NFAT5: variants seen among roughly 807,000 people sequenced by gnomAD.
The protein encoded by NFAT5 is nuclear factor of activated T cells 5.
In NFAT5, 31 loss-of-function variants were observed where a neutral mutation model predicts 166.5. The observed-to-expected ratio is 0.19, with a 90% confidence interval of 0.14 to 0.25. The LOEUF is 0.25. Ranked by LOEUF, NFAT5 falls within the 10% of genes least tolerant of loss-of-function variation. NFAT5 has a pLI of 1.00. For missense variants in NFAT5, 1,449 were observed against 1,821.8 expected, an observed-to-expected ratio of 0.80 and a Z score of 3.72; for synonymous variants, 612 against 639.7, an observed-to-expected ratio of 0.96 and a Z score of 0.65.
Position 69,690,934 on chromosome 16 carries a change from A to G in NFAT5, c.1775-6A>G, listed in dbSNP as rs765362656. 4 of 1,525,026 alleles carry G rather than the reference A, an allele frequency of 2.6e-6. No individual in the cohort carries two copies. The highest frequency in any genetic ancestry group is 2.8e-5 in the African/African-American group (2 of 71,518). The allele number at this position is 1,525,026 out of a possible 1,614,324, so 94.5% of individuals were successfully genotyped here. A position where few individuals can be genotyped will look rare whatever the true frequency, so the allele number is the denominator to read the frequency against. ...AACTTTTCTTTTTGTGTGTGTGTAT[A>G]TGCAGCAATGAAAACTACTGGATGT... On this transcript the variant is annotated splice_polypyrimidine_tract_variant and splice_region_variant and intron_variant, in intron 11 of 14. Transcript: ENST00000349945.
rs1172925854 is a variant in NFAT5, at chr16:69,698,399, A to T, written c.*2048A>T. 2.0e-5 allele frequency: 3 copies of T among 152,130 alleles called. No homozygotes were observed. Among genetic ancestry groups the T allele is most frequent in the Non-Finnish European group, 4.4e-5 (3 of 67,978 alleles). The allele number at this position is 152,130 out of a possible 1,614,324, so 9.4% of individuals were successfully genotyped here. ...TAAATATAGAAATTTATATATATAC[A>T]TATATATAAACTATTCTTTTTTGCC... On this transcript the variant is annotated 3_prime_UTR_variant, in exon 15 of 15. Coordinates refer to ENST00000349945, the MANE Select transcript of NFAT5 (RefSeq NM_138713.4).
At chr16:69,631,961 A>T (rs1442296152) in intron 3 of NFAT5, among the ~76,000 whole-genome samples, 1 of 152,226 alleles carries the variant, frequency 6.6e-6, no homozygotes, top group East Asian at 1.9e-4. Flanking sequence ...GAGCTTTGAT[A>T]TATAGTGCTT....
chr16:69,628,473 T>A (rs2151584156), intron 3 of NFAT5, among the ~76,000 whole-genome samples: 2 of 152,284 alleles, frequency 1.3e-5, no homozygotes, highest in Admixed American at 1.3e-4. Flanking sequence ...TTAAAATCTT[T>A]TTCAAAATAT....
intron 2 of NFAT5, among the ~76,000 whole-genome samples, chr16:69,583,819 G>C (rs2031858036): frequency 6.6e-6 from 1 of 152,050 alleles, no homozygotes; most frequent in African/African-American, 2.4e-5. Flanking sequence ...AGGAAGGAAG[G>C]GTTTTGGAAG....
intron 2 of NFAT5, among the ~76,000 whole-genome samples, chr16:69,613,987 T>C (rs72801338): frequency 0.05 from 7,599 of 152,330 alleles, 250 homozygotes; most frequent in Middle Eastern, 0.11. Context: ...CAAGTAATTA[T>C]ATGACCAAGA....
In NFAT5 at chr16:69,693,861, C is replaced by A. The variant is rs2037659804; in HGVS notation, c.4036C>A (p.Gln1346Lys). The A allele has an allele frequency of 6.2e-7, 1 of 1,614,238 alleles. No individual in the cohort carries two copies. Among genetic ancestry groups the A allele is most frequent in the Non-Finnish European group, 8.5e-7 (1 of 1,180,036 alleles). The part of the protein sequence containing the change: ...MNQEQQPMQF[Q>K]SQSTVSSLQN... ...TCAAGAGCAACAGCCCATGCAATTT[C>A]AGAGTCAGTCCACAGTTTCCTCACT... Residue 1346 changes from glutamine to lysine, a missense_variant, in exon 13 of 15, where the codon CAG becomes AAG. By Grantham distance (53) the Gln-to-Lys change is moderately conservative. Transcript: ENST00000349945.
intron 9 of NFAT5, among the ~76,000 whole-genome samples, chr16:69,671,202 A>G (rs1300357314): frequency 3.3e-5 from 5 of 152,184 alleles, no homozygotes; most frequent in Non-Finnish European, 5.9e-5. Flanking sequence ...CACTTCATAC[A>G]CCAGACACAA....
intron 11 of NFAT5, chr16:69,685,289 G>A (rs1296305132): frequency 1.3e-5 from 2 of 150,294 alleles, no homozygotes; most frequent in Non-Finnish European, 2.9e-5. Flanking sequence ...GTTCATGCCT[G>A]TAATGCCAGC....
At chr16:69,579,247 T>A (rs2031508091) in intron 2 of NFAT5, among the ~76,000 whole-genome samples, 1 of 152,186 alleles carries the variant, frequency 6.6e-6, no homozygotes, top group African/African-American at 2.4e-5. Flanking sequence ...GTTATTAAAT[T>A]ATATTCTCTG....
chr16:69,567,564 A>G (rs1032828151), intron 1 of NFAT5, among the ~76,000 whole-genome samples: 1 of 152,182 alleles, frequency 6.6e-6, no homozygotes, highest in African/African-American at 2.4e-5. Flanking sequence ...TCACCTTCCT[A>G]CTAGTGTATC....
chr16:69,650,833 C>T (rs561299261), intron 4 of NFAT5, among the ~76,000 whole-genome samples: 66 of 152,226 alleles, frequency 4.3e-4, no homozygotes, highest in African/African-American at 1.5e-3. Context: ...GATATTTCTA[C>T]ATAGTTTCAA....
intron 4 of NFAT5, chr16:69,648,317 A>G: frequency 1.0e-6 from 1 of 984,424 alleles, no homozygotes; most frequent in Non-Finnish European, 1.2e-6. Context: ...AGAGGATTTT[A>G]GACTTAATTT....
intron 9 of NFAT5, among the ~76,000 whole-genome samples, chr16:69,673,014 TTTTC>T (rs1168098606): frequency 5.4e-5 from 7 of 129,580 alleles, no homozygotes; most frequent in Non-Finnish European, 1.1e-4. Context: ...CTACCTCCAT[TTTTC>T]TTTCTCTCTC....
intron 6 of NFAT5, among the ~76,000 whole-genome samples, chr16:69,656,595 G>A (rs1449499460): frequency 1.3e-5 from 2 of 151,978 alleles, no homozygotes; most frequent in Non-Finnish European, 2.9e-5. Context: ...TGAGATTACA[G>A]GCATCTGCCA....
intron 5 of NFAT5, among the ~76,000 whole-genome samples, chr16:69,653,928 T>G (rs1053092290): frequency 2.6e-5 from 4 of 152,022 alleles, no homozygotes; most frequent in African/African-American, 9.7e-5. Flanking sequence ...ACTATTGGAC[T>G]GAGAAAAGAC....
chr16:69,598,683 G>C (rs560389238), intron 2 of NFAT5, among the ~76,000 whole-genome samples: 1 of 152,204 alleles, frequency 6.6e-6, no homozygotes, highest in South Asian at 2.1e-4. Context: ...TTCCTCACCA[G>C]TTCATATTCT....
At chr16:69,672,559 A>G (rs2036666247) in intron 9 of NFAT5, among the ~76,000 whole-genome samples, 1 of 152,182 alleles carries the variant, frequency 6.6e-6, no homozygotes, top group Non-Finnish European at 1.5e-5. Context: ...GTTCCTTGTA[A>G]TACCAAACAC....
At chr16:69,630,448 G>C (rs2034663360) in intron 3 of NFAT5, among the ~76,000 whole-genome samples, 1 of 152,096 alleles carries the variant, frequency 6.6e-6, no homozygotes, top group South Asian at 2.1e-4. Flanking sequence ...TGGAATTCCA[G>C]GTGTAAGCCA....
chr16:69,574,341 A>G (rs1300575809), intron 2 of NFAT5, among the ~76,000 whole-genome samples: 1 of 152,212 alleles, frequency 6.6e-6, no homozygotes, highest in African/African-American at 2.4e-5. Context: ...ATTAATTTGT[A>G]TTATTGTCTT....
Sources: gnomAD v4.1 joint callset for allele counts (sites outside exome capture counted in the v4.1 genomes callset) on GRCh38, gnomAD v4.1.1 for gene constraint, MANE v1.5 for transcripts, NCBI Gene and HGNC (gene_info 2026-07-23, HGNC 2026-07-21) for gene names.